ELMO1: variants seen among roughly 807,000 people sequenced by gnomAD.
ELMO1 encodes the protein engulfment and cell motility protein 1.
In ELMO1, 26 loss-of-function variants were observed where a neutral mutation model predicts 98.9. That is an observed-to-expected ratio of 0.26 (90% CI 0.19 to 0.36). The LOEUF (loss-of-function observed/expected upper bound fraction) is 0.36. Ranked by LOEUF, ELMO1 falls within the 10% of genes least tolerant of loss-of-function variation. The pLI is 1.00. For missense variants in ELMO1, 627 were observed against 935.2 expected (o/e 0.67, Z 4.30); for synonymous variants, 346 against 346.0 (o/e 1.00, Z 0.00).
At chr7:37,292,789 T>TGG (rs1358580564) in intron 4 of ELMO1, among the ~76,000 whole-genome samples, 1 of 58,078 alleles carries the variant, frequency 1.7e-5, no homozygotes, top group African/African-American at 5.7e-5. Context: ...GGGAGGGAGG[T>TGG]GGGGGGGTCA....
intron 16 of ELMO1, among the ~76,000 whole-genome samples, chr7:37,011,154 TTAG>T (rs1793521472): frequency 1.3e-5 from 2 of 152,250 alleles, no homozygotes; most frequent in Non-Finnish European, 2.9e-5. Context: ...AACCTGGCTC[TTAG>T]GTCTTGCTGA....
chr7:36,958,509 A>G (rs1788652031), intron 16 of ELMO1, among the ~76,000 whole-genome samples: 1 of 152,116 alleles, frequency 6.6e-6, no homozygotes, highest in Admixed American at 6.5e-5. Flanking sequence ...TCATTTCACT[A>G]AGAAACTAAA....
intron 15 of ELMO1, among the ~76,000 whole-genome samples, chr7:37,082,521 T>C (rs538937143): frequency 6.6e-6 from 1 of 152,110 alleles, no homozygotes; most frequent in Non-Finnish European, 1.5e-5. Context: ...CTGGGTAACA[T>C]GGTGAAACCC....
rs1801967392 is a variant in ELMO1, at chr7:36,853,165, G to T, written c.*2386C>A. Among the ~76,000 whole-genome samples, 1 of 152,212 alleles carries T rather than the reference G, an allele frequency of 6.6e-6. No individual in the cohort carries two copies. The highest frequency in any genetic ancestry group is 2.1e-4 in the South Asian group (1 of 4,830). On this transcript the variant is annotated 3_prime_UTR_variant, in exon 22 of 22. Transcript: ENST00000310758. ...ATCCTTCCCCACATGGTCACAAAAT[G>T]AATGGAAACAGATGGCATACTCTTC... is the stretch of plus-strand genomic sequence containing the variant.
intron 15 of ELMO1, among the ~76,000 whole-genome samples, chr7:37,082,801 C>G (rs1276301931): frequency 6.6e-6 from 1 of 152,154 alleles, no homozygotes; most frequent in African/African-American, 2.4e-5. Flanking sequence ...GTCGTCACAC[C>G]TGCATGGGAG....
intron 17 of ELMO1, among the ~76,000 whole-genome samples, chr7:36,894,117 T>C (rs913479820): frequency 2.2e-4 from 33 of 152,152 alleles, no homozygotes; most frequent in African/African-American, 7.2e-4. Flanking sequence ...GGTAACAAAA[T>C]TGACCCAGCT....
chr7:37,024,281 G>C (rs1013085265), intron 15 of ELMO1, among the ~76,000 whole-genome samples: 2 of 152,190 alleles, frequency 1.3e-5, no homozygotes, highest in African/African-American at 2.4e-5. Flanking sequence ...AAAAGGCAAG[G>C]CTGAAGAAAC....
chr7:37,026,495 T>C (rs1310078331), intron 15 of ELMO1, among the ~76,000 whole-genome samples: 3 of 152,200 alleles, frequency 2.0e-5, no homozygotes, highest in Non-Finnish European at 4.4e-5. Context: ...CATTACCTTG[T>C]AGTGATCACC....
At chr7:36,873,815 C>A (rs554083821) in intron 19 of ELMO1, among the ~76,000 whole-genome samples, 12 of 152,342 alleles carry the variant, frequency 7.9e-5, no homozygotes, top group Non-Finnish European at 1.6e-4. Context: ...AAAAATACTA[C>A]TGAAAAAGCA....
intron 4 of ELMO1, among the ~76,000 whole-genome samples, chr7:37,285,357 T>C (rs1285096690): frequency 6.6e-6 from 1 of 152,224 alleles, no homozygotes; most frequent in African/African-American, 2.4e-5. Context: ...TATACCCTGT[T>C]TAAATAACAG....
intron 13 of ELMO1, among the ~76,000 whole-genome samples, chr7:37,136,596 G>A (rs116967860): frequency 3.3e-5 from 5 of 152,090 alleles, no homozygotes; most frequent in African/African-American, 9.6e-5. Flanking sequence ...AACAATTATC[G>A]GCCAAGAATC....
At chr7:37,428,920 C>A (rs1475260946) in intron 1 of ELMO1, among the ~76,000 whole-genome samples, 1 of 152,176 alleles carries the variant, frequency 6.6e-6, no homozygotes, top group African/African-American at 2.4e-5. Context: ...ATGGTGCCAC[C>A]CAGAACTCCA....
chr7:37,230,399 C>G (rs552568712), intron 8 of ELMO1, among the ~76,000 whole-genome samples: 1 of 152,272 alleles, frequency 6.6e-6, no homozygotes, highest in East Asian at 1.9e-4. Context: ...TTAAGCAAGG[C>G]TCCGGGAACT....
At chr7:37,212,377 T>G (rs1000348125) in intron 12 of ELMO1, among the ~76,000 whole-genome samples, 4 of 152,214 alleles carry the variant, frequency 2.6e-5, no homozygotes, top group African/African-American at 9.6e-5. Context: ...GTTAAAATAG[T>G]AAACTTTCTG....
intron 13 of ELMO1, among the ~76,000 whole-genome samples, chr7:37,139,608 G>A (rs1787483000): frequency 6.6e-6 from 1 of 152,236 alleles, no homozygotes; most frequent in South Asian, 2.1e-4. Flanking sequence ...TCATGGATGG[G>A]TAGAATCAAT....
chr7:36,934,244 A>T (rs6980027), intron 16 of ELMO1, among the ~76,000 whole-genome samples: 1 of 152,174 alleles, frequency 6.6e-6, no homozygotes, highest in African/African-American at 2.4e-5. Context: ...AGCCCTTCCC[A>T]CAACCAAGAC....
chr7:37,357,363 T>C (rs1314145626), intron 1 of ELMO1, among the ~76,000 whole-genome samples: 1 of 152,164 alleles, frequency 6.6e-6, no homozygotes, highest in Non-Finnish European at 1.5e-5. Context: ...TTCCCTGCTA[T>C]AGTAGGCATA....
intron 13 of ELMO1, among the ~76,000 whole-genome samples, chr7:37,143,019 C>G (rs1373662359): frequency 6.6e-6 from 1 of 152,182 alleles, no homozygotes. Flanking sequence ...AAAATCCTTA[C>G]AGTTAAAAAA....
intron 15 of ELMO1, among the ~76,000 whole-genome samples, chr7:37,049,124 C>T (rs1795960431): frequency 6.6e-6 from 1 of 152,122 alleles, no homozygotes; most frequent in Admixed American, 6.5e-5. Flanking sequence ...TAAGAGCGAC[C>T]ACCCTGTTAA....
Sources: allele counts gnomAD v4.1 joint callset (sites outside exome capture counted in the v4.1 genomes callset), GRCh38; gene constraint gnomAD v4.1.1; transcripts MANE v1.5; gene names NCBI Gene and HGNC (gene_info 2026-07-23, HGNC 2026-07-21).